Variants in PREX2 observed in about 807,000 individuals in gnomAD.
PREX2 encodes the protein phosphatidylinositol-3,4,5-trisphosphate dependent Rac exchange factor 2, also known as phosphatidylinositol 3,4,5-trisphosphate-dependent Rac exchanger 2 protein.
A neutral mutation model predicts 203.2 loss-of-function variants in PREX2; 107 were observed. The observed-to-expected ratio is 0.53, with a 90% CI of 0.45 to 0.62. PREX2 has a LOEUF of 0.62. PREX2 is among the 20% of genes least tolerant of loss of function. The probability of loss-of-function intolerance (pLI) is 0.00; values close to 1 mark genes in which losing one functional copy is unlikely to be tolerated. For missense variants in PREX2, 1,777 were observed against 1,955.9 expected, an observed-to-expected ratio of 0.91 and a Z score of 1.72; for synonymous variants, 672 against 663.6, an observed-to-expected ratio of 1.01 and a Z score of -0.19.
chr8:68,000,203 G>A (rs565189135), intron 1 of PREX2, among the ~76,000 whole-genome samples: 16 of 152,292 alleles, frequency 1.1e-4, no homozygotes, highest in African/African-American at 3.6e-4. Flanking sequence ...AAAGCGTATC[G>A]TCTTAGCCCT....
At chr8:67,977,592 A>G (rs1029998685) in intron 1 of PREX2, among the ~76,000 whole-genome samples, 1 of 152,106 alleles carries the variant, frequency 6.6e-6, no homozygotes, top group Admixed American at 6.5e-5. Flanking sequence ...GGTTTGACTG[A>G]TGGCTGGAAT....
chr8:68,065,849 G>A (rs1189505990), intron 11 of PREX2, among the ~76,000 whole-genome samples: 1 of 152,178 alleles, frequency 6.6e-6, no homozygotes, highest in East Asian at 1.9e-4. Context: ...AAACAACTTA[G>A]CCTGAAAAAG....
intron 20 of PREX2, 30 bp downstream of exon 20, chr8:68,090,745 G>A: frequency 6.3e-7 from 1 of 1,596,166 alleles, no homozygotes; most frequent in Non-Finnish European, 8.5e-7. Flanking sequence ...ATCTGGATCT[G>A]AGTGACTACT....
chr8:68,199,114 A>G (rs1812455124), intron 37 of PREX2, among the ~76,000 whole-genome samples: 1 of 150,198 alleles, frequency 6.7e-6, no homozygotes, highest in Non-Finnish European at 1.5e-5. Flanking sequence ...TGGCACCATC[A>G]AGAAGGCCTT....
intron 1 of PREX2, among the ~76,000 whole-genome samples, chr8:67,956,519 A>G (rs888714170): frequency 6.6e-6 from 1 of 152,240 alleles, no homozygotes; most frequent in African/African-American, 2.4e-5. Flanking sequence ...GAAAGAAAAA[A>G]GCTTTATATT....
chr8:68,217,806 G>T, intron 38 of PREX2, 88 bp downstream of exon 38: 2 of 856,082 alleles, frequency 2.3e-6, no homozygotes, highest in Non-Finnish European at 3.5e-6. Flanking sequence ...TTTGACAGGT[G>T]CCTGGATGTG....
At chr8:68,189,081 T>C (rs1812245447) in intron 35 of PREX2, among the ~76,000 whole-genome samples, 1 of 152,200 alleles carries the variant, frequency 6.6e-6, no homozygotes, top group Non-Finnish European at 1.5e-5. Context: ...ACTGTATTTG[T>C]AATATTTTAT....
chr8:68,151,866 T>C (rs1433354929), intron 34 of PREX2, among the ~76,000 whole-genome samples: 5 of 151,926 alleles, frequency 3.3e-5, no homozygotes, highest in African/African-American at 4.8e-5. Flanking sequence ...CTGAGAATAA[T>C]AAAAATCACA....
intron 25 of PREX2, among the ~76,000 whole-genome samples, chr8:68,114,800 T>A (rs1288509960): frequency 3.3e-5 from 5 of 152,080 alleles, no homozygotes; most frequent in Non-Finnish European, 5.9e-5. Flanking sequence ...CTCCTGTTTG[T>A]ACGAGCAGGG....
chr8:67,973,053 G>T (rs1176586113), intron 1 of PREX2, among the ~76,000 whole-genome samples: 1 of 151,978 alleles, frequency 6.6e-6, no homozygotes, highest in Non-Finnish European at 1.5e-5. Context: ...TTCATCCCTT[G>T]TTCAGCCACT....
chr8:67,964,126 A>G (rs1224410448), intron 1 of PREX2, among the ~76,000 whole-genome samples: 2 of 152,156 alleles, frequency 1.3e-5, no homozygotes, highest in African/African-American at 4.8e-5. Flanking sequence ...GTTGAAGCTG[A>G]CTTACCACTA....
At chr8:68,016,531 C>A (rs563209886) in intron 1 of PREX2, among the ~76,000 whole-genome samples, 1 of 152,196 alleles carries the variant, frequency 6.6e-6, no homozygotes, top group Admixed American at 6.5e-5. Context: ...GTAATCAATA[C>A]AATGAATCCC....
chr8:68,028,735 C>G (rs1001850802), intron 5 of PREX2, among the ~76,000 whole-genome samples: 4 of 151,942 alleles, frequency 2.6e-5, no homozygotes, highest in African/African-American at 9.7e-5. Flanking sequence ...CTCATAACTG[C>G]AGTTATTCCT....
Position 68,115,805 on chromosome 8 carries a change from G to A in PREX2, c.3199G>A (p.Gly1067Ser), listed in dbSNP as rs758125979. The A allele has an allele frequency of 6.2e-7, 1 of 1,613,150 alleles. No individual in the cohort carries two copies. Among genetic ancestry groups the A allele is most frequent in the South Asian group, 1.1e-5 (1 of 90,952 alleles). The change falls in exon 26 of 40, where the codon GGC (glycine) becomes AGC (serine). Residue 1067 changes from glycine to serine, a missense_variant. Gly to Ser is a moderately conservative substitution (Grantham distance 56). Transcript: ENST00000288368. ...SPKLERKTSE[G>S]IIPTDSDNEK... ...TAAATTAGAACGTAAGACATCAGAG[G>A]GCATAATACCAACAGACAGTGACAA...
chr8:67,953,688 A>G (rs28413565), intron 1 of PREX2, among the ~76,000 whole-genome samples: 1 of 152,264 alleles, frequency 6.6e-6, no homozygotes, highest in East Asian at 1.9e-4. Flanking sequence ...AAGGAAAGAA[A>G]AATGTCTCAA....
At chr8:67,987,766 G>C (rs1585680974) in intron 1 of PREX2, among the ~76,000 whole-genome samples, 1 of 152,184 alleles carries the variant, frequency 6.6e-6, no homozygotes, top group South Asian at 2.1e-4. Context: ...CTAAGCATCT[G>C]TCTAGGATAC....
At chr8:68,036,513 G>A (rs1481253254) in intron 6 of PREX2, among the ~76,000 whole-genome samples, 1 of 152,086 alleles carries the variant, frequency 6.6e-6, no homozygotes, top group Non-Finnish European at 1.5e-5. Context: ...CTAAGGGAGG[G>A]CTATTCTGTA....
chr8:68,172,357 A>G (rs1318294965), intron 35 of PREX2, among the ~76,000 whole-genome samples: 1 of 152,226 alleles, frequency 6.6e-6, no homozygotes, highest in Admixed American at 6.5e-5. Context: ...GGGTACTTGC[A>G]TGTATTCAAC....
At chr8:68,072,388 C>A (rs1809222057) in intron 13 of PREX2, 107 bp from the exon 14 acceptor site, 2 of 588,046 alleles carry the variant, frequency 3.4e-6, no homozygotes, top group Non-Finnish European at 6.0e-6. Context: ...CAGTGGTAAA[C>A]TTCTCTGTTG....
Sources: allele counts gnomAD v4.1 joint callset (sites outside exome capture counted in the v4.1 genomes callset), GRCh38; gene constraint gnomAD v4.1.1; transcripts MANE v1.5; gene names NCBI Gene and HGNC (gene_info 2026-07-23, HGNC 2026-07-21).